The following CREB5 variants were observed in gnomAD, a reference collection of about 807,000 sequenced individuals.
CREB5 encodes cAMP responsive element binding protein 5, also known as cyclic AMP-responsive element-binding protein 5.
Under a neutral mutation model 57.1 loss-of-function variants are expected in CREB5, and 19 were observed. The ratio of observed to expected loss-of-function variants is 0.33; its 90% CI spans 0.23 to 0.49. The LOEUF (loss-of-function observed/expected upper bound fraction) is 0.49, where lower values mean the gene tolerates loss of function less well. CREB5 is among the 20% of genes least tolerant of loss of function. The probability of loss-of-function intolerance (pLI) is 0.99; values close to 1 mark genes in which losing one functional copy is unlikely to be tolerated. For missense variants in CREB5, 579 were observed against 671.6 expected, an observed-to-expected ratio of 0.86 and a Z score of 1.52; for synonymous variants, 238 against 238.3, an observed-to-expected ratio of 1.00 and a Z score of 0.01.
chr7:28,753,603 T>C lies in CREB5; in HGVS notation c.702+29271T>C, dbSNP rs553236107. 3.3e-5 allele frequency among the ~76,000 whole-genome samples: 5 copies of C among 152,346 alleles called. No homozygotes were observed. The South Asian group carries it at 1.0e-3, about 32-fold the overall frequency. ...GGAGATAGATTCATTGAAATACCTTTACATTTCCTCTTTTTCAACCCTGTG... is the reference window on the plus strand; with the variant it reads ...GGAGATAGATTCATTGAAATACCTTCACATTTCCTCTTTTTCAACCCTGTG... On this transcript the variant is annotated intron_variant, in intron 7 of 10. Transcript: ENST00000357727.
At chr7:28,497,333 G>A (rs1163587359) in intron 3 of CREB5, among the ~76,000 whole-genome samples, 5 of 152,214 alleles carry the variant, frequency 3.3e-5, no homozygotes, top group African/African-American at 7.2e-5. Context: ...TTGCAGCTTT[G>A]CAATTGTTCT....
At chr7:28,320,120 G>T (rs1304888965) in intron 1 of CREB5, among the ~76,000 whole-genome samples, 2 of 151,686 alleles carry the variant, frequency 1.3e-5, no homozygotes, top group Admixed American at 6.6e-5. Context: ...TAGTAGAGAC[G>T]GGGTTTCGCC....
At position 28,412,889 on chromosome 7, in the gene CREB5, A is replaced by ACAG; in HGVS notation, c.-25_-24insAGC. The stretch of plus-strand genomic sequence containing the variant: ...TGATTTGGTGACTGCAGGAAGCAAC[A>ACAG]CGTTGCTGCTTTTATTCTACAGATA... On this transcript the variant is annotated 5_prime_UTR_variant, in exon 1 of 11. Transcript: ENST00000357727. 6.7e-7 allele frequency: 1 copy of ACAG among 1,492,566 alleles called. No individual in the cohort carries two copies. Among genetic ancestry groups the ACAG allele is most frequent in the South Asian group, 1.5e-5 (1 of 67,892 alleles). 92.5% of individuals were successfully genotyped at this position (1,492,566 alleles called of 1,614,324 possible).
At chr7:28,670,284 G>A (rs1002187520) in intron 5 of CREB5, among the ~76,000 whole-genome samples, 2 of 152,230 alleles carry the variant, frequency 1.3e-5, no homozygotes, top group Non-Finnish European at 2.9e-5. Context: ...AAAGCTATGT[G>A]AAGGTGGTTT....
intron 1 of CREB5, among the ~76,000 whole-genome samples, chr7:28,473,390 T>C (rs1344846801): frequency 1.3e-5 from 2 of 152,238 alleles, no homozygotes; most frequent in Non-Finnish European, 2.9e-5. Context: ...TTTATCTCTT[T>C]CAGTGAACTC....
chr7:28,489,304 T>TTC (rs1209089440), intron 2 of CREB5, among the ~76,000 whole-genome samples: 8 of 142,356 alleles, frequency 5.6e-5, no homozygotes, highest in Admixed American at 4.9e-4. Flanking sequence ...TTCTTTTTTT[T>TTC]TTTTTTTTTT....
intron 5 of CREB5, among the ~76,000 whole-genome samples, chr7:28,624,087 A>C (rs750580584): frequency 9.9e-5 from 15 of 152,214 alleles, no homozygotes; most frequent in Non-Finnish European, 2.1e-4. Flanking sequence ...ATTCAACCTA[A>C]ACCAGATAGT....
intron 1 of CREB5, among the ~76,000 whole-genome samples, chr7:28,476,889 AG>A (rs368035814): frequency 2.2e-4 from 32 of 146,492 alleles, no homozygotes; most frequent in African/African-American, 7.4e-4. Context: ...AACTCTCAAA[AG>A]CACTTTACTA....
At chr7:28,355,007 A>AGCAGTAAAT (rs1200034992) in intron 1 of CREB5, among the ~76,000 whole-genome samples, 2 of 152,246 alleles carry the variant, frequency 1.3e-5, no homozygotes, top group African/African-American at 2.4e-5. Context: ...TTGTTAAGCA[A>AGCAGTAAAT]GCAGTAAATG....
chr7:28,559,737 T>A (rs1297503195), intron 4 of CREB5, among the ~76,000 whole-genome samples: 1 of 152,222 alleles, frequency 6.6e-6, no homozygotes, highest in Non-Finnish European at 1.5e-5. Context: ...TCACAGTTCA[T>A]TTATCTATCC....
At chr7:28,560,550 A>G (rs970145011) in intron 4 of CREB5, among the ~76,000 whole-genome samples, 21 of 152,154 alleles carry the variant, frequency 1.4e-4, no homozygotes, top group Non-Finnish European at 2.9e-4. Flanking sequence ...CCAGGCTCCT[A>G]TATCAGTAGG....
chr7:28,568,434 AC>A (rs1373479334), intron 4 of CREB5, among the ~76,000 whole-genome samples: 2 of 152,162 alleles, frequency 1.3e-5, no homozygotes, highest in Non-Finnish European at 2.9e-5. Context: ...CCTCCTCAAG[AC>A]CCAGGGAAAT....
chr7:28,804,076 G>A, intron 7 of CREB5, 123 bp from the exon 8 acceptor site: 1 of 852,888 alleles, frequency 1.2e-6, no homozygotes. Flanking sequence ...CTACTGGTAG[G>A]AAACATTAAC....
chr7:28,641,606 A>T (rs112147873), intron 5 of CREB5, among the ~76,000 whole-genome samples: 3,692 of 152,240 alleles, frequency 0.024, 156 homozygotes, highest in African/African-American at 0.085. Context: ...GGGAAAAAAC[A>T]AAACTAAACT....
chr7:28,705,937 T>C (rs1026753240), intron 5 of CREB5, among the ~76,000 whole-genome samples: 3 of 152,194 alleles, frequency 2.0e-5, no homozygotes, highest in Non-Finnish European at 1.5e-5. Context: ...ACATTTCAAT[T>C]GTACTTATAA....
intron 1 of CREB5, among the ~76,000 whole-genome samples, chr7:28,320,180 C>G (rs1333664064): frequency 6.6e-6 from 1 of 152,084 alleles, no homozygotes; most frequent in Non-Finnish European, 1.5e-5. Context: ...GTCTGCTTGC[C>G]TCGGCCTCGG....
intron 1 of CREB5, among the ~76,000 whole-genome samples, chr7:28,405,281 T>G (rs1158789325): frequency 3.3e-5 from 5 of 152,136 alleles, no homozygotes; most frequent in Non-Finnish European, 7.3e-5. Flanking sequence ...CACTGTTAAT[T>G]TAGTTAAGAA....
At chr7:28,461,005 ACAGTGAGACTCG>A (rs1790328796) in intron 1 of CREB5, among the ~76,000 whole-genome samples, 1 of 152,130 alleles carries the variant, frequency 6.6e-6, no homozygotes, top group East Asian at 1.9e-4. Context: ...CCTGGGCAAC[ACAGTGAGACTCG>A]CATCCCCTCT....
chr7:28,738,689 A>C lies in CREB5; in HGVS notation c.702+14357A>C, dbSNP rs147305124. The stretch of plus-strand genomic sequence containing the variant: ...GCGAGTTGTTCCTGTGTTCCAGTGA[A>C]GCAGAAGGCAGGGCCTGAGCTTGTG... On this transcript the variant is annotated intron_variant, in intron 7 of 10. Transcript: ENST00000357727. Among the ~76,000 whole-genome samples the C allele has an allele frequency of 3.8e-3, 582 of 152,334 alleles. 3 individuals carry two copies. The highest frequency in any genetic ancestry group is 6.8e-3 in the Middle Eastern group (2 of 294).
Sources: gnomAD v4.1 joint callset for allele counts (sites outside exome capture counted in the v4.1 genomes callset) on GRCh38, gnomAD v4.1.1 for gene constraint, MANE v1.5 for transcripts, NCBI Gene and HGNC (gene_info 2026-07-23, HGNC 2026-07-21) for gene names.